Variants in FOXN3 observed in about 807,000 individuals in gnomAD.
The protein encoded by FOXN3 is forkhead box protein N3.
FOXN3 carries 7 observed loss-of-function variants against 38.4 expected under a neutral mutation model. That is an observed-to-expected ratio of 0.18 (90% CI 0.10 to 0.34). The LOEUF (loss-of-function observed/expected upper bound fraction) is 0.34, where lower values mean the gene tolerates loss of function less well. Among genes scored for constraint, FOXN3 ranks in the 10% least tolerant of loss-of-function variants. The pLI, the probability that FOXN3 is intolerant of heterozygous loss-of-function variation, is 1.00. For synonymous variants in FOXN3, 230 were observed against 242.2 expected, an observed-to-expected ratio of 0.95 and a Z score of 0.47; for missense variants, 456 against 613.4, an observed-to-expected ratio of 0.74 and a Z score of 2.71.
At chr14:89,390,054 T>C (rs1890896155) in intron 2 of FOXN3, among the ~76,000 whole-genome samples, 1 of 151,754 alleles carries the variant, frequency 6.6e-6, no homozygotes, top group Non-Finnish European at 1.5e-5. Context: ...ACCTCATCTT[T>C]ACAAAAATAA....
In FOXN3 at chr14:89,205,742, C is replaced by T. The variant is rs150897009; in HGVS notation, c.746-24936G>A. ...CCTGCAGATGGCAAAACTGAAAGAG[C>T]GCCCTGTAACACACGCCCACCGGGG... On this transcript the variant is annotated intron_variant, in intron 4 of 5. Transcript: ENST00000557258. Among the ~76,000 whole-genome samples, 740 of 152,292 alleles carry T rather than the reference C, an allele frequency of 4.9e-3. 6 individuals carry two copies. Among genetic ancestry groups the T allele is most frequent in the African/African-American group, 0.017 (706 of 41,550 alleles).
chr14:89,556,799 T>TA (rs1384237037), intron 1 of FOXN3, among the ~76,000 whole-genome samples: 1 of 152,174 alleles, frequency 6.6e-6, no homozygotes, highest in African/African-American at 2.4e-5. Flanking sequence ...GTCTCTGGTC[T>TA]ACCAGAGAAG....
intron 1 of FOXN3, among the ~76,000 whole-genome samples, chr14:89,584,608 A>G (rs1362411690): frequency 6.6e-6 from 1 of 152,146 alleles, no homozygotes; most frequent in Non-Finnish European, 1.5e-5. Context: ...ATTTAATTTC[A>G]TTTCCCTAAA....
At chr14:89,343,489 T>A (rs200502320) in intron 3 of FOXN3, among the ~76,000 whole-genome samples, 11 of 145,736 alleles carry the variant, frequency 7.5e-5, no homozygotes, top group Admixed American at 2.1e-4. Context: ...ACATTTAAAT[T>A]AAAAAAAAAA....
intron 1 of FOXN3, among the ~76,000 whole-genome samples, chr14:89,537,674 TGTGA>T (rs1566691146): frequency 1.3e-5 from 2 of 152,242 alleles, no homozygotes; most frequent in African/African-American, 4.8e-5. Flanking sequence ...TTTGCCAATG[TGTGA>T]GTGACATCTC....
chr14:89,348,379 T>C (rs1888834770), intron 3 of FOXN3, among the ~76,000 whole-genome samples: 1 of 152,130 alleles, frequency 6.6e-6, no homozygotes, highest in African/African-American at 2.4e-5. Flanking sequence ...TGGCTTAGAA[T>C]TGAACCAAAT....
At chr14:89,285,059 A>G (rs1236413579) in intron 3 of FOXN3, among the ~76,000 whole-genome samples, 4 of 152,204 alleles carry the variant, frequency 2.6e-5, no homozygotes, top group Non-Finnish European at 5.9e-5. Flanking sequence ...CAGGAACCTT[A>G]ACCATTGTGA....
intron 3 of FOXN3, among the ~76,000 whole-genome samples, chr14:89,302,443 G>A (rs78928052): frequency 0.061 from 9,347 of 152,126 alleles, 415 homozygotes; most frequent in Non-Finnish European, 0.081. Context: ...ACTTTGTTTT[G>A]TTCTGTGCTT....
At chr14:89,571,714 CTT>C (rs1334684244) in intron 1 of FOXN3, among the ~76,000 whole-genome samples, 2 of 152,142 alleles carry the variant, frequency 1.3e-5, no homozygotes, top group Non-Finnish European at 2.9e-5. Flanking sequence ...GCCAATAAAA[CTT>C]TATTTACAAA....
At chr14:89,318,353 T>A (rs1887795907) in intron 3 of FOXN3, among the ~76,000 whole-genome samples, 1 of 151,938 alleles carries the variant, frequency 6.6e-6, no homozygotes, top group African/African-American at 2.4e-5. Flanking sequence ...GAGATGGAGT[T>A]TCACCATGTT....
chr14:89,187,842 C>T (rs1887847412), intron 4 of FOXN3, among the ~76,000 whole-genome samples: 1 of 152,142 alleles, frequency 6.6e-6, no homozygotes, highest in Non-Finnish European at 1.5e-5. Flanking sequence ...GGAACTGCTC[C>T]AATCCTTGGG....
chr14:89,269,391 C>T (rs1886076986), intron 4 of FOXN3, among the ~76,000 whole-genome samples: 1 of 151,992 alleles, frequency 6.6e-6, no homozygotes, highest in Non-Finnish European at 1.5e-5. Context: ...TTGCAAATGT[C>T]TTAGTCTAGT....
intron 5 of FOXN3, 148 bp downstream of exon 5, chr14:89,180,553 T>C: frequency 2.0e-6 from 1 of 509,250 alleles, no homozygotes; most frequent in East Asian, 3.3e-5. Context: ...TTCTTGGGGT[T>C]ACTTTCACAT....
At chr14:89,385,085 T>C (rs1890755216) in intron 2 of FOXN3, among the ~76,000 whole-genome samples, 1 of 152,174 alleles carries the variant, frequency 6.6e-6, no homozygotes, top group African/African-American at 2.4e-5. Flanking sequence ...ACAACAAATA[T>C]ATTAGGTCAA....
At chr14:89,445,851 T>A (rs1892481215) in intron 1 of FOXN3, among the ~76,000 whole-genome samples, 1 of 151,304 alleles carries the variant, frequency 6.6e-6, no homozygotes, top group Non-Finnish European at 1.5e-5. Flanking sequence ...GAGGCCCAGG[T>A]GGTGGAATCC....
At position 89,552,674 on chromosome 14, in the gene FOXN3, C is replaced by T. The variant is rs543358348; in HGVS notation, c.-15+66354G>A. Among the ~76,000 whole-genome samples, 13 of 152,290 alleles carry T rather than the reference C, an allele frequency of 8.5e-5. 1 individual carries two copies. In the South Asian group the frequency reaches 1.0e-3, roughly 12 times the overall value. ...GGGAGTTTGAGACCAGCCTGGCAAACATGCCAAAACCCCGTCTCTACTAAA... is the reference window on the plus strand; with the variant it reads ...GGGAGTTTGAGACCAGCCTGGCAAATATGCCAAAACCCCGTCTCTACTAAA... On this transcript the variant is annotated intron_variant, in intron 1 of 6. Coordinates refer to the FOXN3 transcript ENST00000345097.
chr14:89,322,666 T>C (rs1275822046), intron 3 of FOXN3, among the ~76,000 whole-genome samples: 2 of 152,122 alleles, frequency 1.3e-5, no homozygotes, highest in African/African-American at 4.8e-5. Context: ...TGCAAGGAAC[T>C]GTCAGGGCAA....
At chr14:89,202,209 G>T (rs1374188097) in intron 4 of FOXN3, among the ~76,000 whole-genome samples, 5 of 152,170 alleles carry the variant, frequency 3.3e-5, no homozygotes, top group Non-Finnish European at 5.9e-5. Context: ...GCCTGGGGAT[G>T]TATGTCTTAT....
intron 4 of FOXN3, among the ~76,000 whole-genome samples, chr14:89,194,913 A>T (rs151121183): frequency 4.9e-4 from 75 of 152,332 alleles, no homozygotes; most frequent in Middle Eastern, 3.4e-3. Context: ...CTATTTTTTT[A>T]AAAAATAGCT....
Sources: gnomAD v4.1 joint callset for allele counts (sites outside exome capture counted in the v4.1 genomes callset) on GRCh38, gnomAD v4.1.1 for gene constraint, MANE v1.5 for transcripts, NCBI Gene and HGNC (gene_info 2026-07-23, HGNC 2026-07-21) for gene names.